The following TST variants were observed in gnomAD, a reference collection of about 807,000 sequenced individuals.
TST encodes epididymis secretory sperm binding protein.
In TST, 22 loss-of-function variants were observed where a neutral mutation model predicts 20.4. That is an observed-to-expected ratio of 1.08 (90% CI 0.77 to 1.54). The LOEUF is 1.54. Among genes scored for constraint, TST ranks in the 40% most tolerant of loss-of-function variants. TST has a pLI of 0.00. For synonymous variants in TST, 187 were observed against 173.8 expected (o/e 1.08, Z -0.60); for missense variants, 392 against 405.2 (o/e 0.97, Z 0.28).
In TST at chr22:37,018,166, C is replaced by T. The variant is rs1298335016; in HGVS notation, c.567G>A (p.Leu189=). Residue 189 remains leucine (L), a synonymous_variant, in exon 2 of 3, where the codon CTG becomes CTA. Transcript: ENST00000249042. The part of the protein sequence containing the change: ...LVDSRSQGRF[L]GTEPEPDAVG... ...CTGCATCCGGCTCCGGCTCGGTGCCCAGGAACCGCCCTTGAGACCTTGAAT... is the reference window on the plus strand; with the variant it reads ...CTGCATCCGGCTCCGGCTCGGTGCCTAGGAACCGCCCTTGAGACCTTGAAT... 1 of 1,570,212 alleles carries T rather than the reference C, an allele frequency of 6.4e-7. No homozygotes were observed. Among genetic ancestry groups the T allele is most frequent in the Non-Finnish European group, 8.7e-7 (1 of 1,155,908 alleles).
At position 37,018,615 on chromosome 22, in the gene TST, C is replaced by A; in HGVS notation, c.118G>T (p.Gly40Cys). 6.4e-7 allele frequency: 1 copy of A among 1,571,336 alleles called. No homozygotes were observed. The highest frequency in any genetic ancestry group is 8.6e-7 in the Non-Finnish European group (1 of 1,158,984). The change falls in exon 2 of 3, where the codon GGC becomes TGC. Residue 40 changes from glycine (G) to cysteine (C), a missense_variant. By Grantham distance (159) the Gly-to-Cys change is radical. Coordinates refer to ENST00000249042, the MANE Select transcript of TST (RefSeq NM_003312.6). ...TACTCCTTGCGGGCCTCTCGGGTGC[C>A]TGGTGAGTACCAGGACGCGTCCAGC... The part of the protein sequence containing the change: ...RVLDASWYSP[G>C]TREARKEYLE...
upstream of TST, chr22:37,019,681 C>A (rs1922897494): frequency 2.7e-6 from 1 of 364,294 alleles, no homozygotes; most frequent in Non-Finnish European, 4.9e-6. Flanking sequence ...GGCGTACCCC[C>A]ACGGCCCGGC....
chr22:37,010,965 C>T lies in TST; in HGVS notation c.*62G>A, dbSNP rs1314402495. Reference sequence around the variant, plus strand: ...TCTCCTTCACCTAAGAGGTAAGAACCGGCTGTAAGTCATGGGGTCACTAAA... The same window carrying T: ...TCTCCTTCACCTAAGAGGTAAGAACTGGCTGTAAGTCATGGGGTCACTAAA... On this transcript the variant is annotated 3_prime_UTR_variant, in exon 3 of 3. Coordinates refer to ENST00000249042, the MANE Select transcript of TST (RefSeq NM_003312.6). 15 of 1,551,012 alleles carry T rather than the reference C, an allele frequency of 9.7e-6. No homozygotes were observed. Among genetic ancestry groups the T allele is most frequent in the African/African-American group, 6.8e-5 (5 of 73,488 alleles).
chr22:37,011,431 A>G (rs186376165), intron 2 of TST, 106 bp from the exon 3 acceptor site: 1 of 1,246,470 alleles, frequency 8.0e-7, no homozygotes. Flanking sequence ...AGCTTTGCAA[A>G]TAAAAATAAC....
At chr22:37,011,582 G>A (rs1029922682) in intron 2 of TST, among the ~76,000 whole-genome samples, 8 of 152,132 alleles carry the variant, frequency 5.3e-5, no homozygotes, top group East Asian at 1.9e-4. Flanking sequence ...AGAAGACAGC[G>A]GCATGAGTCT....
chr22:37,017,734 G>C (rs1221177503), intron 2 of TST, among the ~76,000 whole-genome samples: 1 of 152,202 alleles, frequency 6.6e-6, no homozygotes, highest in Non-Finnish European at 1.5e-5. Flanking sequence ...TGCGGGACGA[G>C]AGAGGCCTGG....
At position 37,018,703 on chromosome 22, in the gene TST, C is replaced by G. The variant is rs1401977970; in HGVS notation, c.30G>C (p.Leu10=). 1 of 1,520,362 alleles carries G rather than the reference C, an allele frequency of 6.6e-7. No homozygotes were observed. The highest frequency in any genetic ancestry group is 8.8e-7 in the Non-Finnish European group (1 of 1,137,180). 94.2% of individuals were successfully genotyped at this position (1,520,362 alleles called of 1,614,324 possible). ...ACTCCGCCAGCCACTTGGTGGAGAC[C>G]AGCGCCCGGTAGAGCACCTGATGAA... The part of the protein sequence containing the change: MVHQVLYRA[L]VSTKWLAESI... Residue 10 remains leucine, a synonymous_variant, in exon 2 of 3, where the codon CTG becomes CTC. Transcript: ENST00000249042.
chr22:37,018,073 T>C, intron 2 of TST, 65 bp downstream of exon 2: 1 of 1,291,528 alleles, frequency 7.7e-7, no homozygotes, highest in South Asian at 1.5e-5. Flanking sequence ...GTCCCAGTCA[T>C]CCTTACTCCC....
chr22:37,012,866 A>AC lies in TST; in HGVS notation c.596-1542dup, dbSNP rs567458492. 1.4e-3 allele frequency among the ~76,000 whole-genome samples: 211 copies of AC among 151,826 alleles called. 1 individual carries two copies. Among genetic ancestry groups the AC allele is most frequent in the Middle Eastern group, 6.8e-3 (2 of 294 alleles). On this transcript the variant is annotated intron_variant, in intron 2 of 2. Transcript: ENST00000249042. ...GACCAGCCTGGTCAACATGGTGAAA[A>AC]CCCGTCTCTACTAAAGATATAAAAA... is the stretch of plus-strand genomic sequence containing the variant.
rs908307760 is a variant in TST, at chr22:37,018,447, C to T, written c.286G>A (p.Val96Met). 2 of 1,613,224 alleles carry T rather than the reference C, an allele frequency of 1.2e-6. No homozygotes were observed. Among genetic ancestry groups the T allele is most frequent in the Non-Finnish European group, 1.7e-6 (2 of 1,179,940 alleles). Reference protein sequence around the residue: ...GRLGISNHTHVVVYDGEHLGS... With the variant: ...GRLGISNHTHMVVYDGEHLGS... ...AGGTGTTCACCATCATACACCACCA[C>T]GTGCGTGTGGTTGCTGATGCCCAGG... Residue 96 changes from valine to methionine, a missense_variant, in exon 2 of 3, where the codon GTG (valine) becomes ATG (methionine). Coordinates refer to ENST00000249042, the MANE Select transcript of TST (RefSeq NM_003312.6).
At chr22:37,014,597 T>C (rs1484525248) in intron 2 of TST, among the ~76,000 whole-genome samples, 1 of 63,764 alleles carries the variant, frequency 1.6e-5, no homozygotes, top group African/African-American at 7.0e-5. Flanking sequence ...GGGGAGATTA[T>C]TCTCTCAGCA....
intron 2 of TST, among the ~76,000 whole-genome samples, chr22:37,016,753 T>A (rs1922695150): frequency 6.6e-6 from 1 of 152,146 alleles, no homozygotes; most frequent in African/African-American, 2.4e-5. Flanking sequence ...TGAACTTGAA[T>A]CTTCAACTCC....
intron 2 of TST, 71 bp from the exon 3 acceptor site, chr22:37,011,396 A>C: frequency 1.3e-6 from 2 of 1,486,420 alleles, no homozygotes; most frequent in Non-Finnish European, 1.8e-6. Context: ...GGAGGATTCC[A>C]TCAGCTATAG....
chr22:37,016,454 C>T (rs766542916), intron 2 of TST, among the ~76,000 whole-genome samples: 3 of 152,070 alleles, frequency 2.0e-5, no homozygotes, highest in Admixed American at 6.5e-5. Context: ...GGAGGAACTT[C>T]AGCATCCCGG....
In TST at chr22:37,011,251, T is replaced by A. The variant is rs1922467848; in HGVS notation, c.670A>T (p.Lys224Ter). The A allele has an allele frequency of 2.5e-6, 4 of 1,613,816 alleles. No individual in the cohort carries two copies. The highest frequency in any genetic ancestry group is 3.4e-6 in the Non-Finnish European group (4 of 1,180,022). ...MDFLTEDGFE[K>*]GPEELRALFQ... ...AGAGCACGGAGCTCTTCTGGGCCCT[T>A]CTCGAAGCCATCCTCAGTCAGGAAG... The change falls in exon 3 of 3, where the codon AAG (lysine) becomes TAG (stop). Residue 224 changes from lysine to a stop codon, truncating the protein, a stop_gained. Coordinates refer to ENST00000249042, the MANE Select transcript of TST (RefSeq NM_003312.6). LOFTEE classifies it high-confidence loss of function.
rs149418322 is a variant in TST at position 37,018,238 on chromosome 22, G to A, written c.495C>T (p.Tyr165=). The A allele has an allele frequency of 2.9e-5, 46 of 1,613,842 alleles. No homozygotes were observed. In the African/African-American group the frequency reaches 4.5e-4, roughly 16 times the overall value. Residue 165 remains tyrosine (Y), a synonymous_variant, in exon 2 of 3, where the codon TAC becomes TAT. Coordinates refer to ENST00000249042, the MANE Select transcript of TST (RefSeq NM_003312.6). ...ATLDRSLLKT[Y]EQVLENLESK... is the part of the protein sequence containing the mutation. ...ATTCAAGGTTCTCCAGCACCTGCTC[G>A]TAGGTCTTGAGCAGGGAGCGGTCCA...
intron 2 of TST, among the ~76,000 whole-genome samples, chr22:37,017,548 G>A (rs547661205): frequency 1.3e-5 from 2 of 152,160 alleles, no homozygotes; most frequent in South Asian, 2.1e-4. Context: ...GAGATAATGC[G>A]GTGCCAAGTG....
chr22:37,011,184 G>A lies in TST; in HGVS notation c.737C>T (p.Ala246Val). 1 of 1,613,822 alleles carries A rather than the reference G, an allele frequency of 6.2e-7. No individual in the cohort carries two copies. Among genetic ancestry groups the A allele is most frequent in the East Asian group, 2.2e-5 (1 of 44,886 alleles). Reference protein sequence around the residue: ...KKVDLSQPLIATCRKGVTACH... With the variant: ...KKVDLSQPLIVTCRKGVTACH... ...GGCGGTGACTCCCTTGCGGCACGTG[G>A]CAATGAGAGGCTGCGAGAGATCCAC... The change falls in exon 3 of 3, where the codon GCC becomes GTC. Residue 246 changes from alanine to valine, a missense_variant. Ala to Val is a moderately conservative substitution (Grantham distance 64). Transcript: ENST00000249042.
At chr22:37,013,978 G>C (rs776581706) in intron 2 of TST, among the ~76,000 whole-genome samples, 1 of 152,316 alleles carries the variant, frequency 6.6e-6, no homozygotes, top group Middle Eastern at 3.4e-3. Context: ...CCAGCTGGAC[G>C]GGGTGAAGCA....
Sources: gnomAD v4.1 joint callset for allele counts (sites outside exome capture counted in the v4.1 genomes callset) on GRCh38, gnomAD v4.1.1 for gene constraint, MANE v1.5 for transcripts, NCBI Gene and HGNC (gene_info 2026-07-23, HGNC 2026-07-21) for gene names.